The following KCNJ6 variants were observed in gnomAD, a reference collection of about 807,000 sequenced individuals.
KCNJ6 encodes G protein-activated inward rectifier potassium channel 2.
A neutral mutation model predicts 34.2 loss-of-function variants in KCNJ6; 9 were observed. That is an observed-to-expected ratio of 0.26 (90% CI 0.16 to 0.46). The LOEUF is 0.46. KCNJ6 is among the 20% of genes least tolerant of loss of function. The probability of loss-of-function intolerance (pLI) is 1.00; values close to 1 mark genes in which losing one functional copy is unlikely to be tolerated. For missense variants in KCNJ6, 236 were observed against 531.3 expected, an observed-to-expected ratio of 0.44 and a Z score of 5.46; for synonymous variants, 196 against 207.1, an observed-to-expected ratio of 0.95 and a Z score of 0.46.
chr21:37,670,783 A>T (rs949466875), intron 3 of KCNJ6, among the ~76,000 whole-genome samples: 1 of 152,234 alleles, frequency 6.6e-6, no homozygotes, highest in Admixed American at 6.5e-5. Flanking sequence ...AAAACAAAAC[A>T]AAGCAAAAAT....
chr21:37,678,880 T>A (rs1459565389), intron 3 of KCNJ6, among the ~76,000 whole-genome samples: 1 of 152,148 alleles, frequency 6.6e-6, no homozygotes, highest in African/African-American at 2.4e-5. Context: ...CACAAAATAT[T>A]TGATGCTCCC....
chr21:37,661,684 C>T (rs977860895), intron 3 of KCNJ6, among the ~76,000 whole-genome samples: 6 of 130,776 alleles, frequency 4.6e-5, no homozygotes, highest in East Asian at 2.3e-4. Flanking sequence ...AGTGCAGTGG[C>T]GCGATCTCGC....
intron 2 of KCNJ6, among the ~76,000 whole-genome samples, chr21:37,809,290 C>T (rs903116915): frequency 3.9e-5 from 6 of 152,008 alleles, no homozygotes; most frequent in Admixed American, 3.3e-4. Context: ...AAACCAAACA[C>T]CGCATGTTCT....
At chr21:37,850,432 T>G (rs1018568787) in intron 1 of KCNJ6, among the ~76,000 whole-genome samples, 1 of 151,990 alleles carries the variant, frequency 6.6e-6, no homozygotes, top group Non-Finnish European at 1.5e-5. Flanking sequence ...AGCAGTGACA[T>G]TAGATTCTCA....
At chr21:37,676,022 G>GAAT (rs1569443308) in intron 3 of KCNJ6, among the ~76,000 whole-genome samples, 1 of 152,234 alleles carries the variant, frequency 6.6e-6, no homozygotes, top group Non-Finnish European at 1.5e-5. Flanking sequence ...CAGACCTCCT[G>GAAT]AATCTGAGCC....
intron 1 of KCNJ6, among the ~76,000 whole-genome samples, chr21:37,855,751 G>A (rs1349694021): frequency 6.6e-6 from 1 of 152,184 alleles, no homozygotes; most frequent in Non-Finnish European, 1.5e-5. Context: ...ACTCAGTTCT[G>A]CTCAACCGTG....
chr21:37,716,882 T>A (rs1291476194), intron 2 of KCNJ6, among the ~76,000 whole-genome samples: 1 of 152,242 alleles, frequency 6.6e-6, no homozygotes, highest in African/African-American at 2.4e-5. Flanking sequence ...AAGAAATTTC[T>A]TCCTCCAGAC....
chr21:37,803,950 C>T (rs1238012728), intron 2 of KCNJ6, among the ~76,000 whole-genome samples: 1 of 152,138 alleles, frequency 6.6e-6, no homozygotes, highest in African/African-American at 2.4e-5. Context: ...CTGCCCTTCG[C>T]TTCTATCCAA....
chr21:37,820,500 T>C (rs1240893132), intron 2 of KCNJ6, among the ~76,000 whole-genome samples: 1 of 152,170 alleles, frequency 6.6e-6, no homozygotes, highest in Non-Finnish European at 1.5e-5. Flanking sequence ...CATTTTGCAC[T>C]GCATTTGGAT....
intron 1 of KCNJ6, among the ~76,000 whole-genome samples, chr21:37,864,368 C>T (rs1337066240): frequency 6.6e-6 from 1 of 152,140 alleles, no homozygotes; most frequent in Admixed American, 6.6e-5. Flanking sequence ...GCCTCAGCCT[C>T]CCAAAGAGCT....
At chr21:37,821,819 G>C (rs2055374603) in intron 2 of KCNJ6, among the ~76,000 whole-genome samples, 1 of 152,152 alleles carries the variant, frequency 6.6e-6, no homozygotes. Flanking sequence ...ATTTTATCCA[G>C]AAAGAATGGC....
intron 2 of KCNJ6, among the ~76,000 whole-genome samples, chr21:37,778,973 G>A (rs1421317150): frequency 6.6e-6 from 1 of 152,032 alleles, no homozygotes; most frequent in Non-Finnish European, 1.5e-5. Flanking sequence ...ACGGGCATTT[G>A]TACAGCTCTT....
At chr21:37,685,404 G>A (rs1167922248) in intron 3 of KCNJ6, among the ~76,000 whole-genome samples, 5 of 149,866 alleles carry the variant, frequency 3.3e-5, no homozygotes, top group African/African-American at 7.4e-5. Flanking sequence ...TATCCTGGCC[G>A]GGTGCAGTGG....
chr21:37,856,407 C>G (rs1379134286), intron 1 of KCNJ6, among the ~76,000 whole-genome samples: 1 of 152,164 alleles, frequency 6.6e-6, no homozygotes, highest in East Asian at 1.9e-4. Context: ...TTTCTCAACT[C>G]TGTGATTTTG....
chr21:37,843,887 G>A (rs1002497056), intron 1 of KCNJ6, among the ~76,000 whole-genome samples: 50 of 152,166 alleles, frequency 3.3e-4, no homozygotes, highest in African/African-American at 1.1e-3. Flanking sequence ...CCAGTGCAGT[G>A]TTGAAGTTTC....
At chr21:37,694,546 A>T (rs2054655521) in intron 3 of KCNJ6, among the ~76,000 whole-genome samples, 1 of 152,182 alleles carries the variant, frequency 6.6e-6, no homozygotes, top group South Asian at 2.1e-4. Context: ...AGTCTGCAAA[A>T]AGTCAGGTTC....
At chr21:37,679,507 C>T (rs923439761) in intron 3 of KCNJ6, among the ~76,000 whole-genome samples, 1 of 152,206 alleles carries the variant, frequency 6.6e-6, no homozygotes, top group Non-Finnish European at 1.5e-5. Flanking sequence ...GGCTGGCATG[C>T]AGTAAATACT....
intron 3 of KCNJ6, among the ~76,000 whole-genome samples, chr21:37,709,281 G>T (rs1431029414): frequency 6.6e-6 from 1 of 152,208 alleles, no homozygotes; most frequent in Admixed American, 6.5e-5. Flanking sequence ...GGAGGCCAAG[G>T]TGGGTGGATC....
At chr21:37,725,519 A>T (rs1258187496) in intron 2 of KCNJ6, among the ~76,000 whole-genome samples, 1 of 152,238 alleles carries the variant, frequency 6.6e-6, no homozygotes, top group Non-Finnish European at 1.5e-5. Context: ...TGAGTATGTG[A>T]AAGGTGTGTG....
Sources: gnomAD v4.1 joint callset for allele counts (sites outside exome capture counted in the v4.1 genomes callset) on GRCh38, gnomAD v4.1.1 for gene constraint, MANE v1.5 for transcripts, NCBI Gene and HGNC (gene_info 2026-07-23, HGNC 2026-07-21) for gene names.